The following CLDN16 variants were observed in gnomAD, a reference collection of about 807,000 sequenced individuals.
CLDN16 encodes the protein claudin 16.
CLDN16 carries 13 observed loss-of-function variants against 24.6 expected under a neutral mutation model. The ratio of observed to expected loss-of-function variants is 0.53; its 90% CI spans 0.34 to 0.84. CLDN16 has a LOEUF of 0.84. Among genes scored for constraint, CLDN16 ranks in the 40% least tolerant of loss-of-function variants. CLDN16 has a pLI of 0.01. For synonymous variants in CLDN16, 116 were observed against 106.7 expected, an observed-to-expected ratio of 1.09 and a Z score of -0.54; for missense variants, 298 against 292.7, an observed-to-expected ratio of 1.02 and a Z score of -0.13.
intron 1 of CLDN16, among the ~76,000 whole-genome samples, chr3:190,356,651 A>G (rs1180239905): frequency 6.6e-6 from 1 of 151,932 alleles, no homozygotes; most frequent in Admixed American, 6.6e-5. Flanking sequence ...TAGGGATATA[A>G]TATTCAATGA....
intron 1 of CLDN16, among the ~76,000 whole-genome samples, chr3:190,357,934 C>A (rs1043321328): frequency 6.6e-6 from 1 of 151,824 alleles, no homozygotes; most frequent in Non-Finnish European, 1.5e-5. Context: ...TAAATTCCTT[C>A]ACAGGAGAGA....
intron 4 of CLDN16, among the ~76,000 whole-genome samples, chr3:190,409,672 T>C (rs1719222322): frequency 6.6e-6 from 1 of 151,668 alleles, no homozygotes. Context: ...CCTCTCCTGA[T>C]GAAGAAAAAA....
intron 1 of CLDN16, among the ~76,000 whole-genome samples, chr3:190,349,197 G>A (rs183580619): frequency 7.0e-4 from 107 of 152,276 alleles, no homozygotes; most frequent in South Asian, 1.2e-3. Context: ...TTGGGGGAGG[G>A]ACCTGGTGGG....
At chr3:190,303,825 G>T in the CLDN16 span, among the ~76,000 whole-genome samples, 1 of 152,234 alleles carries the variant, frequency 6.6e-6, no homozygotes, top group African/African-American at 2.4e-5. Context: ...AAGATCATTT[G>T]CCAAAGAAAC....
At chr3:190,351,715 G>A (rs537359341) in intron 1 of CLDN16, among the ~76,000 whole-genome samples, 70 of 151,890 alleles carry the variant, frequency 4.6e-4, no homozygotes, top group African/African-American at 1.6e-3. Context: ...GAGAAATAGA[G>A]GTAAACAGAT....
At chr3:190,358,589 G>A (rs930017534) in intron 1 of CLDN16, among the ~76,000 whole-genome samples, 1 of 151,882 alleles carries the variant, frequency 6.6e-6, no homozygotes, top group African/African-American at 2.4e-5. Flanking sequence ...AAATTGTGTA[G>A]GATTTTGCAG....
chr3:190,348,249 G>A (rs528996207), intron 1 of CLDN16, among the ~76,000 whole-genome samples: 26 of 78,106 alleles, frequency 3.3e-4, no homozygotes, highest in Non-Finnish European at 4.3e-4. Flanking sequence ...GCAAGACTCC[G>A]TCTCAAAAAA....
chr3:190,408,435 C>G lies in CLDN16; in HGVS notation c.504C>G (p.Leu168=), dbSNP rs772803074. The change falls in exon 4 of 5, where the codon CTC becomes CTG. Residue 168 remains leucine, a synonymous_variant. Coordinates refer to ENST00000264734, the MANE Select transcript of CLDN16 (RefSeq NM_006580.4). Reference sequence around the variant, plus strand: ...ATAAATTTGGTTGGTCCTGTTGGCTCGGAATGGCTGGGTCTCTGGGTTGCT... The same window carrying G: ...ATAAATTTGGTTGGTCCTGTTGGCTGGGAATGGCTGGGTCTCTGGGTTGCT... ...IQYKFGWSCW[L]GMAGSLGCFL... The G allele has an allele frequency of 1.8e-5, 29 of 1,613,830 alleles. No homozygotes were observed. The highest frequency in any genetic ancestry group is 2.3e-5 in the Non-Finnish European group (27 of 1,179,998).
chr3:190,356,699 G>T (rs1717781516), intron 1 of CLDN16, among the ~76,000 whole-genome samples: 1 of 151,786 alleles, frequency 6.6e-6, no homozygotes, highest in South Asian at 2.1e-4. Flanking sequence ...AAGAAATAAA[G>T]TTTTATCTTT....
chr3:190,385,942 T>G (rs1428706485), upstream of CLDN16, among the ~76,000 whole-genome samples: 1 of 152,170 alleles, frequency 6.6e-6, no homozygotes, highest in Non-Finnish European at 1.5e-5. Flanking sequence ...TCCAAATGTC[T>G]GGGAGTGGAA....
intron 3 of CLDN16, among the ~76,000 whole-genome samples, chr3:190,405,514 T>C (rs1486965809): frequency 6.6e-6 from 1 of 151,564 alleles, no homozygotes; most frequent in African/African-American, 2.4e-5. Flanking sequence ...ATAACTTCAA[T>C]TTTTAAAATA....
intron 1 of CLDN16, among the ~76,000 whole-genome samples, chr3:190,397,631 A>C (rs1718854041): frequency 6.6e-6 from 1 of 152,208 alleles, no homozygotes; most frequent in South Asian, 2.1e-4. Context: ...TCTTTTGTGC[A>C]CAAAGGCACC....
chr3:190,292,624 C>A, the CLDN16 span, among the ~76,000 whole-genome samples: 1 of 152,198 alleles, frequency 6.6e-6, no homozygotes, highest in Non-Finnish European at 1.5e-5. Context: ...CATCATCAGG[C>A]TGCAAATTTT....
At chr3:190,302,818 A>G in the CLDN16 span, among the ~76,000 whole-genome samples, 23 of 150,808 alleles carry the variant, frequency 1.5e-4, no homozygotes, top group African/African-American at 5.3e-4. Context: ...CAATCAATCT[A>G]TGTTTAGAAA....
At chr3:190,402,246 C>A in intron 1 of CLDN16, 91 bp from the exon 2 acceptor site, 1 of 958,850 alleles carries the variant, frequency 1.0e-6, no homozygotes, top group African/African-American at 1.6e-5. Context: ...ACTTTGCTAT[C>A]AAACACAACC....
chr3:190,366,256 G>A (rs928606740), intron 1 of CLDN16, among the ~76,000 whole-genome samples: 1 of 151,804 alleles, frequency 6.6e-6, no homozygotes, highest in South Asian at 2.1e-4. Context: ...CAAAATGTAT[G>A]ACATGTTGCA....
At chr3:190,404,268 T>C (rs186107748) in intron 2 of CLDN16, among the ~76,000 whole-genome samples, 1 of 152,182 alleles carries the variant, frequency 6.6e-6, no homozygotes. Context: ...TATCCTGAAC[T>C]GGCAAAAAGA....
At chr3:190,400,647 G>T (rs1392440652) in intron 1 of CLDN16, among the ~76,000 whole-genome samples, 1 of 152,156 alleles carries the variant, frequency 6.6e-6, no homozygotes, top group African/African-American at 2.4e-5. Flanking sequence ...TTAAATAAAA[G>T]AATTTCATTT....
At chr3:190,331,410 T>A (rs1278554610) in intron 1 of CLDN16, among the ~76,000 whole-genome samples, 2 of 152,186 alleles carry the variant, frequency 1.3e-5, no homozygotes, top group Non-Finnish European at 2.9e-5. Context: ...GTCTTTGGAA[T>A]CCTAGGCAGG....
Sources: gnomAD v4.1 joint callset for allele counts (sites outside exome capture counted in the v4.1 genomes callset) on GRCh38, gnomAD v4.1.1 for gene constraint, MANE v1.5 for transcripts, NCBI Gene and HGNC (gene_info 2026-07-23, HGNC 2026-07-21) for gene names.